FGF13: variants seen among roughly 807,000 people sequenced by gnomAD.
FGF13 encodes the protein fibroblast growth factor homologous factor 2.
A neutral mutation model predicts 19.5 loss-of-function variants in FGF13; 2 were observed. The observed-to-expected ratio is 0.10, with a 90% CI of 0.04 to 0.32. The LOEUF (loss-of-function observed/expected upper bound fraction) is 0.32, where lower values mean the gene tolerates loss of function less well. FGF13 is among the 10% of genes least tolerant of loss of function. FGF13 has a pLI of 1.00. For synonymous variants in FGF13, 72 were observed against 76.9 expected (o/e 0.94, Z 0.33); for missense variants, 113 against 192.7 (o/e 0.59, Z 2.45).
chrX:138,966,626 G>C lies in FGF13; in HGVS notation c.-112-101976C>G, dbSNP rs747296178. 2.3e-3 allele frequency among the ~76,000 whole-genome samples: 253 copies of C among 111,934 alleles called. 1 individual carries two copies. The highest frequency in any genetic ancestry group is 7.4e-3 in the African/African-American group (227 of 30,836). On this transcript the variant is annotated intron_variant, in intron 1 of 2. Coordinates refer to the FGF13 transcript ENST00000421460. Reference sequence around the variant, plus strand: ...ACAGGCTCATAGGCAGAAAGGACTTGCCTTGTCTCAGATAAGACTTTGGAC... The same window carrying C: ...ACAGGCTCATAGGCAGAAAGGACTTCCCTTGTCTCAGATAAGACTTTGGAC...
At chrX:139,122,609 A>C (rs1017796398) in intron 1 of FGF13, among the ~76,000 whole-genome samples, 1 of 111,219 alleles carries the variant, frequency 9.0e-6, no homozygotes, top group Non-Finnish European at 1.9e-5. Context: ...CTCCTTGGCT[A>C]CTCCTTCTTA....
intron 1 of FGF13, among the ~76,000 whole-genome samples, chrX:139,155,437 A>G (rs1784073433): frequency 1.8e-5 from 2 of 111,974 alleles, no homozygotes; most frequent in Non-Finnish European, 3.8e-5. Context: ...AGTGCTGGCC[A>G]ACAAGTATCT....
intron 1 of FGF13, among the ~76,000 whole-genome samples, chrX:139,017,578 GA>G (rs1569442413): frequency 9.0e-6 from 1 of 110,804 alleles, no homozygotes; most frequent in Non-Finnish European, 1.9e-5. Context: ...AGGAATTCTT[GA>G]AGTGGGAAAA....
At chrX:138,722,425 A>C (rs1284623584) in intron 1 of FGF13, among the ~76,000 whole-genome samples, 4 of 111,666 alleles carry the variant, frequency 3.6e-5, no homozygotes, top group Admixed American at 9.5e-5. Context: ...AACAGACACA[A>C]GTAAGGTGAA....
intron 3 of FGF13, among the ~76,000 whole-genome samples, chrX:138,839,381 G>C (rs1422707847): frequency 9.0e-6 from 1 of 111,422 alleles, no homozygotes; most frequent in Non-Finnish European, 1.9e-5. Flanking sequence ...CTGAGAAATT[G>C]AGAAGGAAGG....
chrX:138,657,877 T>C (rs926733340), intron 3 of FGF13, among the ~76,000 whole-genome samples: 5 of 112,067 alleles, frequency 4.5e-5, no homozygotes, highest in African/African-American at 1.6e-4. Context: ...ATAATTATGT[T>C]TCTTCCTCCA....
At chrX:139,146,788 C>T (rs765526992) in intron 1 of FGF13, among the ~76,000 whole-genome samples, 15 of 111,515 alleles carry the variant, frequency 1.3e-4, no homozygotes, top group African/African-American at 4.6e-4. Context: ...ACTATGCAGC[C>T]ATAAAAAAGG....
chrX:139,008,552 AC>A (rs1271498535), intron 1 of FGF13, among the ~76,000 whole-genome samples: 14 of 111,918 alleles, frequency 1.3e-4, no homozygotes, highest in African/African-American at 4.6e-4. Context: ...CCCAGTACCA[AC>A]CCGGAGCCTG....
At chrX:138,875,346 G>A in intron 1 of FGF13, among the ~76,000 whole-genome samples, 1 of 111,597 alleles carries the variant, frequency 9.0e-6, no homozygotes, top group East Asian at 2.8e-4. Context: ...AACCACACCT[G>A]TAATGTACTC....
Position 139,097,825 on chromosome X carries a change from T to C in FGF13, c.-113+105591A>G, listed in dbSNP as rs550207119. Among the ~76,000 whole-genome samples, 8 of 111,901 alleles carry C rather than the reference T, an allele frequency of 7.1e-5. No homozygotes were observed. In the South Asian group the frequency reaches 2.2e-3, roughly 31 times the overall value. On this transcript the variant is annotated intron_variant, in intron 1 of 2. Transcript: ENST00000421460. ...CAATAAAAGTGTCATTATTTGTAGA[T>C]GATATCATTGACTATATAGAATAAA...
chrX:138,762,909 C>T (rs2090477435), intron 3 of FGF13, among the ~76,000 whole-genome samples: 1 of 111,529 alleles, frequency 9.0e-6, no homozygotes, highest in South Asian at 3.8e-4. Flanking sequence ...CCCAGGAATG[C>T]TGGATCTCAG....
chrX:139,150,079 A>G (rs982040015), intron 1 of FGF13, among the ~76,000 whole-genome samples: 9 of 111,731 alleles, frequency 8.1e-5, no homozygotes, highest in African/African-American at 2.9e-4. Context: ...CTCCATCTGA[A>G]TATCCTAGAA....
chrX:139,017,082 GTA>G (rs10626987), intron 1 of FGF13, among the ~76,000 whole-genome samples: 1 of 101,137 alleles, frequency 9.9e-6, no homozygotes, highest in Admixed American at 1.1e-4. Flanking sequence ...ATACATGTGT[GTA>G]TATATATATA....
intron 1 of FGF13, among the ~76,000 whole-genome samples, chrX:139,118,555 C>T (rs977396783): frequency 9.0e-6 from 1 of 111,620 alleles, no homozygotes. Context: ...TACTGTAACC[C>T]TTTATGCCTT....
chrX:139,099,256 T>A (rs2083490573), intron 1 of FGF13, among the ~76,000 whole-genome samples: 1 of 108,975 alleles, frequency 9.2e-6, no homozygotes, highest in Admixed American at 1.0e-4. Flanking sequence ...AACCTAATTA[T>A]AAGAACAGAA....
At chrX:138,984,693 G>GGGGAGAAGA (rs2091985934) in intron 1 of FGF13, among the ~76,000 whole-genome samples, 1 of 71,790 alleles carries the variant, frequency 1.4e-5, no homozygotes, top group African/African-American at 5.6e-5. Flanking sequence ...GAAGAAGGAG[G>GGGGAGAAGA]AGAAGAAGAA....
At chrX:139,131,025 T>C (rs2083756317) in intron 1 of FGF13, among the ~76,000 whole-genome samples, 1 of 111,910 alleles carries the variant, frequency 8.9e-6, no homozygotes, top group African/African-American at 3.2e-5. Context: ...TAATGAAGAA[T>C]GAATATCCAT....
chrX:139,125,507 A>T (rs1421856086), intron 1 of FGF13, among the ~76,000 whole-genome samples: 1 of 112,118 alleles, frequency 8.9e-6, no homozygotes, highest in Non-Finnish European at 1.9e-5. Context: ...TATGGTTGTG[A>T]TGCAGTTCCA....
intron 1 of FGF13, among the ~76,000 whole-genome samples, chrX:138,993,755 A>G (rs553552367): frequency 1.8e-4 from 20 of 111,970 alleles, no homozygotes; most frequent in African/African-American, 6.2e-4. Context: ...TACTTTCCAT[A>G]TCTGTGAAAT....
Sources: gnomAD v4.1 joint callset for allele counts (sites outside exome capture counted in the v4.1 genomes callset) on GRCh38, gnomAD v4.1.1 for gene constraint, MANE v1.5 for transcripts, NCBI Gene and HGNC (gene_info 2026-07-23, HGNC 2026-07-21) for gene names.